The following ANXA11 variants were observed in gnomAD, a reference collection of about 807,000 sequenced individuals.
ANXA11 encodes the protein annexin A11.
ANXA11 carries 57 observed loss-of-function variants against 64.7 expected under a neutral mutation model. That is an observed-to-expected ratio of 0.88 (90% CI 0.71 to 1.10). The LOEUF (loss-of-function observed/expected upper bound fraction) is 1.10. Among genes scored for constraint, ANXA11 ranks in the 50% least tolerant of loss-of-function variants. The pLI, the probability that ANXA11 is intolerant of heterozygous loss-of-function variation, is 0.00. For missense variants in ANXA11, 675 were observed against 670.7 expected (o/e 1.01, Z -0.07); for synonymous variants, 260 against 265.2 (o/e 0.98, Z 0.19).
intron 1 of ANXA11, among the ~76,000 whole-genome samples, chr10:80,192,261 T>C (rs970011129): frequency 6.6e-6 from 1 of 152,166 alleles, no homozygotes; most frequent in Non-Finnish European, 1.5e-5. Flanking sequence ...AGAGATGTGA[T>C]AAAATCCTGC....
chr10:80,165,618 G>A (rs566883000), intron 8 of ANXA11, among the ~76,000 whole-genome samples: 5 of 152,302 alleles, frequency 3.3e-5, no homozygotes, highest in African/African-American at 1.2e-4. Flanking sequence ...GAGAGACAGA[G>A]ACCAGAGAGA....
rs577401824 is a variant in ANXA11 at position 80,190,073 on chromosome 10, A to G, written c.-57-13918T>C. ...AAGTCTCCAAAGGAGTCAAATTCCT[A>G]AGGACAGAAAGTAGACTGCTGTTGG... is the stretch of plus-strand genomic sequence containing the variant. On this transcript the variant is annotated intron_variant, in intron 1 of 15. Transcript: ENST00000422982. Among the ~76,000 whole-genome samples the G allele has an allele frequency of 3.3e-5, 5 of 152,342 alleles. No individual in the cohort carries two copies. The South Asian group carries it at 1.0e-3, about 32-fold the overall frequency.
At chr10:80,187,474 TATG>T (rs1425110482) in intron 1 of ANXA11, among the ~76,000 whole-genome samples, 2 of 152,238 alleles carry the variant, frequency 1.3e-5, no homozygotes, top group Non-Finnish European at 2.9e-5. Flanking sequence ...CCACCCGGTC[TATG>T]ATATTTTATT....
At position 80,157,761 on chromosome 10, in the gene ANXA11, C is replaced by A. The variant is rs950907127; in HGVS notation, c.1338G>T (p.Gly446=). 2 of 1,612,918 alleles carry A rather than the reference C, an allele frequency of 1.2e-6. No individual in the cohort carries two copies. The highest frequency in any genetic ancestry group is 1.7e-6 in the Non-Finnish European group (2 of 1,179,340). The change falls in exon 15 of 16, where the codon GGG becomes GGT. Residue 446 remains glycine, a splice_region_variant and synonymous_variant. Coordinates refer to ENST00000422982, the MANE Select transcript of ANXA11 (RefSeq NM_145868.2). ...FAERLNKAMR[G]AGTKDRTLIR... ...TCAGGGTCCGGTCCTTTGTTCCTGC[C>A]CCCTAAAGAGAGTCCACCCAAGAGC...
chr10:80,185,653 C>T (rs144868137), intron 1 of ANXA11, among the ~76,000 whole-genome samples: 82 of 152,352 alleles, frequency 5.4e-4, no homozygotes, highest in African/African-American at 1.9e-3. Context: ...GTGCTTCACA[C>T]GGAACTGAAC....
intron 7 of ANXA11, chr10:80,166,528 C>T (rs1327568464): frequency 1.4e-5 from 6 of 437,194 alleles, no homozygotes; most frequent in African/African-American, 9.9e-5. Context: ...ACACGCCCCT[C>T]GTACTTGGGC....
intron 3 of ANXA11, chr10:80,171,803 C>T (rs1845987695): frequency 3.0e-6 from 3 of 985,402 alleles, no homozygotes; most frequent in Admixed American, 6.1e-5. Context: ...CTCAGCTGTG[C>T]TAGCAAAGGT....
At chr10:80,161,812 CT>C (rs1845519064) in intron 12 of ANXA11, 122 bp downstream of exon 12, 1 of 800,448 alleles carries the variant, frequency 1.2e-6, no homozygotes, top group Non-Finnish European at 2.0e-6. Flanking sequence ...CCAGGGGGCT[CT>C]TTTGAGGAGG....
At chr10:80,189,340 CCAGA>C (rs1472308231) in intron 1 of ANXA11, among the ~76,000 whole-genome samples, 4 of 152,154 alleles carry the variant, frequency 2.6e-5, no homozygotes, top group Non-Finnish European at 4.4e-5. Flanking sequence ...TCTAGGGCCA[CCAGA>C]CAAAGACACA....
intron 2 of ANXA11, among the ~76,000 whole-genome samples, chr10:80,174,426 G>C (rs551082191): frequency 6.6e-6 from 1 of 151,762 alleles, no homozygotes; most frequent in South Asian, 2.1e-4. Flanking sequence ...ACAGGCGCCC[G>C]CCATCATGTC....
chr10:80,177,081 G>A (rs560244884), intron 1 of ANXA11, among the ~76,000 whole-genome samples: 1 of 151,332 alleles, frequency 6.6e-6, no homozygotes, highest in East Asian at 1.9e-4. Flanking sequence ...CTCGGTGCAA[G>A]CAATTCTCCT....
Position 80,152,607 on chromosome 10 carries a change from A to T in ANXA11, c.*3246T>A, listed in dbSNP as rs1845176891. On this transcript the variant is annotated 3_prime_UTR_variant, in exon 16 of 16. Coordinates refer to ENST00000422982, the MANE Select transcript of ANXA11 (RefSeq NM_145868.2). ...TAGCTGAAAGAAAACCTGGCGGGCCATAGGCAGGTAAAATGTAGTTTTATT... is the reference window on the plus strand; with the variant it reads ...TAGCTGAAAGAAAACCTGGCGGGCCTTAGGCAGGTAAAATGTAGTTTTATT... 6.6e-6 allele frequency: 1 copy of T among 152,346 alleles called. No individual in the cohort carries two copies. Among genetic ancestry groups the T allele is most frequent in the African/African-American group, 2.4e-5 (1 of 41,470 alleles). 9.4% of individuals were successfully genotyped at this position (152,346 alleles called of 1,614,324 possible).
Position 80,166,980 on chromosome 10 carries a change from C to T in ANXA11, c.654G>A (p.Thr218=), listed in dbSNP as rs200066001. 7.1e-5 allele frequency: 113 copies of T among 1,592,798 alleles called. No homozygotes were observed. Among genetic ancestry groups the T allele is most frequent in the Non-Finnish European group, 9.0e-5 (105 of 1,168,446 alleles). Residue 218 remains threonine, a synonymous_variant, in exon 7 of 16, where the codon ACG becomes ACA. Transcript: ENST00000422982. ...VLRKAMKGFG[T]DEQAIIDCLG... ...GGCAGTCAATGATGGCCTGCTCATC[C>T]GTCCCTGGAGGAAGAGGCAGCAGGG...
chr10:80,162,473 G>A (rs1471712774), intron 11 of ANXA11, among the ~76,000 whole-genome samples: 1 of 152,280 alleles, frequency 6.6e-6, no homozygotes, highest in Non-Finnish European at 1.5e-5. Context: ...GCAGAGGCAA[G>A]TGCTGACTGG....
intron 12 of ANXA11, among the ~76,000 whole-genome samples, chr10:80,160,503 T>C (rs1001514188): frequency 2.4e-4 from 37 of 152,150 alleles, no homozygotes; most frequent in Middle Eastern, 3.4e-3. Flanking sequence ...CACTGCCCAC[T>C]GGAGCAGCCC....
At chr10:80,171,259 G>T (rs1845965841) in intron 3 of ANXA11, 1 of 1,154,336 alleles carries the variant, frequency 8.7e-7, no homozygotes, top group Non-Finnish European at 1.1e-6. Context: ...ACAGACTGTT[G>T]TGGGACACCA....
At chr10:80,190,728 G>T (rs1181425488) in intron 1 of ANXA11, among the ~76,000 whole-genome samples, 2 of 149,786 alleles carry the variant, frequency 1.3e-5, no homozygotes. Flanking sequence ...CTCGTGATCC[G>T]CCTGCCTTGG....
At chr10:80,203,668 T>C (rs1173302864) in intron 1 of ANXA11, among the ~76,000 whole-genome samples, 4 of 151,910 alleles carry the variant, frequency 2.6e-5, no homozygotes, top group African/African-American at 9.7e-5. Context: ...ACAAATACTA[T>C]GCAAGGCGAG....
At chr10:80,168,892 C>G in intron 5 of ANXA11, 77 bp downstream of exon 5, 1 of 1,406,396 alleles carries the variant, frequency 7.1e-7, no homozygotes, top group Non-Finnish European at 9.3e-7. Flanking sequence ...TTCCCTGTCT[C>G]CCCATCTACT....
Sources: gnomAD v4.1 joint callset for allele counts (sites outside exome capture counted in the v4.1 genomes callset) on GRCh38, gnomAD v4.1.1 for gene constraint, MANE v1.5 for transcripts, NCBI Gene and HGNC (gene_info 2026-07-23, HGNC 2026-07-21) for gene names.